Variants in BMPR1A observed in about 807,000 individuals in gnomAD.
BMPR1A encodes the protein bone morphogenetic protein receptor type 1A, also known as bone morphogenetic protein receptor type-1A.
In BMPR1A, 7 loss-of-function variants were observed where a neutral mutation model predicts 66.0. That is an observed-to-expected ratio of 0.11 (90% CI 0.06 to 0.20). The LOEUF is 0.20. Ranked by LOEUF, BMPR1A falls within the 10% of genes least tolerant of loss-of-function variation. The pLI, the probability that BMPR1A is intolerant of heterozygous loss-of-function variation, is 1.00. For missense variants in BMPR1A, 408 were observed against 669.1 expected (o/e 0.61, Z 4.31); for synonymous variants, 200 against 229.7 (o/e 0.87, Z 1.17).
At chr10:86,872,663 A>G (rs1245693422) in intron 2 of BMPR1A, among the ~76,000 whole-genome samples, 1 of 152,066 alleles carries the variant, frequency 6.6e-6, no homozygotes, top group Non-Finnish European at 1.5e-5. Flanking sequence ...TTAATTTTTT[A>G]TTTTAAAAAT....
chr10:86,814,086 T>C (rs1842004339), intron 1 of BMPR1A, among the ~76,000 whole-genome samples: 1 of 152,192 alleles, frequency 6.6e-6, no homozygotes, highest in Non-Finnish European at 1.5e-5. Flanking sequence ...ATTTTTTCCT[T>C]AAAAATCCTG....
intron 1 of BMPR1A, among the ~76,000 whole-genome samples, chr10:86,772,495 G>A (rs7096673): frequency 0.25 from 37,549 of 151,962 alleles, 8,152 homozygotes; most frequent in African/African-American, 0.59. Flanking sequence ...CCTTGGGTAG[G>A]TGCTTGCATA....
chr10:86,850,443 C>T (rs374903783), intron 2 of BMPR1A, among the ~76,000 whole-genome samples: 53 of 152,168 alleles, frequency 3.5e-4, no homozygotes, highest in East Asian at 1.7e-3. Flanking sequence ...TTAGTGTACG[C>T]GCATGTCACC....
At chr10:86,904,562 C>G (rs1194255175) in intron 7 of BMPR1A, among the ~76,000 whole-genome samples, 1 of 152,164 alleles carries the variant, frequency 6.6e-6, no homozygotes, top group African/African-American at 2.4e-5. Context: ...CTTGAAAGAA[C>G]CCCGCCCCCT....
At chr10:86,866,399 C>CTTTTT (rs1048293127) in intron 2 of BMPR1A, among the ~76,000 whole-genome samples, 40 of 69,462 alleles carry the variant, frequency 5.8e-4, no homozygotes, top group Non-Finnish European at 7.8e-4. Flanking sequence ...AAGTTTCTTT[C>CTTTTT]TTTTTTTTTT....
chr10:86,785,248 AT>A (rs1233213626), intron 1 of BMPR1A, among the ~76,000 whole-genome samples: 1 of 152,182 alleles, frequency 6.6e-6, no homozygotes, highest in African/African-American at 2.4e-5. Flanking sequence ...GTCTTGGAGA[AT>A]GTTGCATGTG....
intron 1 of BMPR1A, among the ~76,000 whole-genome samples, chr10:86,825,359 T>C (rs1842179653): frequency 6.6e-6 from 1 of 152,218 alleles, no homozygotes; most frequent in Admixed American, 6.5e-5. Flanking sequence ...TATAATTGAA[T>C]TGCCAAAATA....
At chr10:86,877,082 G>A (rs2133327406) in intron 3 of BMPR1A, among the ~76,000 whole-genome samples, 1 of 152,168 alleles carries the variant, frequency 6.6e-6, no homozygotes, top group East Asian at 1.9e-4. Context: ...CTTACTGGAT[G>A]TCTTCGTTCT....
intron 3 of BMPR1A, among the ~76,000 whole-genome samples, chr10:86,877,450 A>T (rs1412486256): frequency 1.3e-5 from 2 of 152,046 alleles, no homozygotes; most frequent in Non-Finnish European, 2.9e-5. Flanking sequence ...CTCGTGATCC[A>T]CCCACTTCGG....
chr10:86,868,237 G>C (rs567436045), intron 2 of BMPR1A, among the ~76,000 whole-genome samples: 2 of 152,194 alleles, frequency 1.3e-5, no homozygotes, highest in South Asian at 4.1e-4. Flanking sequence ...TAAGATTTCT[G>C]TGTATTACCT....
chr10:86,866,430 A>C (rs1487325734), intron 2 of BMPR1A, among the ~76,000 whole-genome samples: 1 of 42,160 alleles, frequency 2.4e-5, no homozygotes, highest in African/African-American at 1.9e-4. Context: ...TTTTTTTGAG[A>C]TGGAGTCTCG....
At chr10:86,816,413 AC>A (rs2132973778) in intron 1 of BMPR1A, among the ~76,000 whole-genome samples, 1 of 152,226 alleles carries the variant, frequency 6.6e-6, no homozygotes, top group East Asian at 1.9e-4. Flanking sequence ...CGCAGCACTG[AC>A]CCCTACCTTA....
intron 8 of BMPR1A, among the ~76,000 whole-genome samples, chr10:86,916,473 C>T (rs1843569120): frequency 6.6e-6 from 1 of 152,198 alleles, no homozygotes; most frequent in South Asian, 2.1e-4. Flanking sequence ...AGGGGGCAAG[C>T]CCCAGTCCAC....
chr10:86,882,442 T>C (rs1298505200), intron 3 of BMPR1A, among the ~76,000 whole-genome samples: 1 of 151,684 alleles, frequency 6.6e-6, no homozygotes, highest in East Asian at 1.9e-4. Flanking sequence ...AAAAGTTTTC[T>C]GGAAGAATAC....
intron 2 of BMPR1A, 149 bp from the exon 3 acceptor site, chr10:86,875,718 T>TAAA: frequency 5.3e-6 from 2 of 374,976 alleles, no homozygotes; most frequent in African/African-American, 2.1e-5. Context: ...TTATAGTGCC[T>TAAA]AAAAAAAAAA....
intron 2 of BMPR1A, among the ~76,000 whole-genome samples, chr10:86,848,831 C>T (rs943011131): frequency 6.6e-6 from 1 of 152,150 alleles, no homozygotes; most frequent in Non-Finnish European, 1.5e-5. Context: ...ATCTGGGAAC[C>T]ACCTATGACA....
chr10:86,868,251 A>G (rs1157269879), intron 2 of BMPR1A, among the ~76,000 whole-genome samples: 5 of 152,204 alleles, frequency 3.3e-5, no homozygotes, highest in Admixed American at 2.0e-4. Flanking sequence ...ATTACCTCAG[A>G]TACACTCAGA....
At position 86,892,315 on chromosome 10, in the gene BMPR1A, G is replaced by A. The variant is rs759168207; in HGVS notation, c.333+86G>A. 5 of 1,022,268 alleles carry A rather than the reference G, an allele frequency of 4.9e-6. No homozygotes were observed. In the East Asian group the frequency reaches 1.0e-4, roughly 21 times the overall value. 63.3% of individuals were successfully genotyped at this position (1,022,268 alleles called of 1,614,324 possible). A position where few individuals can be genotyped will look rare whatever the true frequency, so the allele number is the denominator to read the frequency against. ...TTCCCCCAGGAGAAACATGCCTGGT[G>A]TACACATCGCTGTATGTTCACATCA... On this transcript the variant is annotated intron_variant, in intron 5 of 12. Coordinates refer to ENST00000372037, the MANE Select transcript of BMPR1A (RefSeq NM_004329.3).
intron 10 of BMPR1A, among the ~76,000 whole-genome samples, chr10:86,920,494 A>C (rs1399843779): frequency 1.3e-5 from 2 of 152,228 alleles, no homozygotes; most frequent in Admixed American, 6.5e-5. Context: ...TTTAGGCTGT[A>C]ATATAAAAGT....
Sources: allele counts gnomAD v4.1 joint callset (sites outside exome capture counted in the v4.1 genomes callset), GRCh38; gene constraint gnomAD v4.1.1; transcripts MANE v1.5; gene names NCBI Gene and HGNC (gene_info 2026-07-23, HGNC 2026-07-21).